The following CDH13 variants were observed in gnomAD, a reference collection of about 807,000 sequenced individuals.
CDH13 encodes cadherin-13.
Under a neutral mutation model 63.8 loss-of-function variants are expected in CDH13, and 24 were observed. That is an observed-to-expected ratio of 0.38 (90% CI 0.27 to 0.53). The LOEUF (loss-of-function observed/expected upper bound fraction) is 0.53, where lower values mean the gene tolerates loss of function less well. Among genes scored for constraint, CDH13 ranks in the 20% least tolerant of loss-of-function variants. The pLI is 0.85. For missense variants in CDH13, 1,049 were observed against 903.1 expected (o/e 1.16, Z -2.07); for synonymous variants, 503 against 355.3 (o/e 1.42, Z -4.67).
intron 5 of CDH13, among the ~76,000 whole-genome samples, chr16:83,247,362 A>G (rs1048502805): frequency 2.6e-5 from 4 of 152,160 alleles, no homozygotes; most frequent in Non-Finnish European, 2.9e-5. Flanking sequence ...AAAGAGCTGG[A>G]AATGAGAGAA....
Position 82,957,423 on chromosome 16 carries a change from C to G in CDH13, c.158-74587C>G, listed in dbSNP as rs902209298. ...CATTTTTTGCTAACTAAACAAATTTCCAAGTCAACAATGTCAGATATTGGA... is the reference window on the plus strand; with the variant it reads ...CATTTTTTGCTAACTAAACAAATTTGCAAGTCAACAATGTCAGATATTGGA... On this transcript the variant is annotated intron_variant, in intron 2 of 13. Transcript: ENST00000567109. Among the ~76,000 whole-genome samples the G allele has an allele frequency of 5.3e-5, 8 of 152,132 alleles. 1 individual carries two copies. Among genetic ancestry groups the G allele is most frequent in the Admixed American group, 5.2e-4 (8 of 15,284 alleles).
At chr16:83,305,285 G>A (rs2089848554) in intron 5 of CDH13, among the ~76,000 whole-genome samples, 2 of 152,198 alleles carry the variant, frequency 1.3e-5, no homozygotes, top group African/African-American at 4.8e-5. Context: ...AGAAGCAGGG[G>A]AGTGAGGAAA....
intron 2 of CDH13, among the ~76,000 whole-genome samples, chr16:82,972,539 C>G (rs1908913823): frequency 6.6e-6 from 1 of 152,178 alleles, no homozygotes; most frequent in African/African-American, 2.4e-5. Flanking sequence ...CTGTGAGTAC[C>G]TCACTTCCCT....
chr16:83,023,740 G>C (rs1326212941), intron 2 of CDH13, among the ~76,000 whole-genome samples: 1 of 152,138 alleles, frequency 6.6e-6, no homozygotes, highest in Non-Finnish European at 1.5e-5. Flanking sequence ...CACTTTGGTG[G>C]CATCAACAAA....
chr16:82,778,570 G>GAAAAAAA (rs11350020), intron 1 of CDH13, among the ~76,000 whole-genome samples: 4 of 85,784 alleles, frequency 4.7e-5, no homozygotes, highest in Admixed American at 1.5e-4. Flanking sequence ...ATCACGACCA[G>GAAAAAAA]AAAAAAAAAA....
chr16:83,164,393 C>T (rs2037574362), intron 4 of CDH13, among the ~76,000 whole-genome samples: 2 of 151,972 alleles, frequency 1.3e-5, no homozygotes, highest in South Asian at 2.1e-4. Flanking sequence ...AATCCACGTC[C>T]CTCTGACTCT....
intron 7 of CDH13, among the ~76,000 whole-genome samples, chr16:83,503,880 G>T (rs1446356318): frequency 6.6e-6 from 1 of 151,624 alleles, no homozygotes; most frequent in Admixed American, 6.6e-5. Flanking sequence ...TTGCTGTGCA[G>T]AAGCTCTTTA....
intron 1 of CDH13, among the ~76,000 whole-genome samples, chr16:82,650,016 G>A (rs1271380691): frequency 6.6e-6 from 1 of 152,148 alleles, no homozygotes; most frequent in African/African-American, 2.4e-5. Flanking sequence ...CATTTCCTGG[G>A]CAACAACCCA....
intron 7 of CDH13, among the ~76,000 whole-genome samples, chr16:83,585,706 T>G (rs1906089817): frequency 6.6e-6 from 1 of 151,644 alleles, no homozygotes; most frequent in Non-Finnish European, 1.5e-5. Context: ...GGAGATTGCT[T>G]AAAGAGCTGC....
intron 1 of CDH13, chr16:82,719,288 G>T (rs2032605030): frequency 8.9e-6 from 4 of 447,308 alleles, no homozygotes; most frequent in Non-Finnish European, 1.8e-5. Context: ...GTCTATCTGG[G>T]ACAGGTGGTG....
chr16:83,575,864 T>C (rs974626311), intron 7 of CDH13, among the ~76,000 whole-genome samples: 14 of 152,210 alleles, frequency 9.2e-5, no homozygotes, highest in Admixed American at 1.3e-4. Context: ...TCCAGGACTA[T>C]TTCACTCACC....
intron 5 of CDH13, 26 bp downstream of exon 5, chr16:83,217,523 C>T (rs1282502810): frequency 1.2e-6 from 2 of 1,602,532 alleles, no homozygotes; most frequent in Non-Finnish European, 8.5e-7. Context: ...CCATGCCCAC[C>T]CTGTGCGCAG....
chr16:82,900,488 G>C (rs1423745625), intron 2 of CDH13, among the ~76,000 whole-genome samples: 1 of 152,154 alleles, frequency 6.6e-6, no homozygotes, highest in Non-Finnish European at 1.5e-5. Flanking sequence ...CAGCTGTCTT[G>C]AAAAAGCAAG....
intron 6 of CDH13, among the ~76,000 whole-genome samples, chr16:83,428,882 T>C (rs905105400): frequency 3.3e-5 from 5 of 152,268 alleles, no homozygotes; most frequent in African/African-American, 1.2e-4. Context: ...CTTGGTTTAT[T>C]TGTTAAAATA....
intron 13 of CDH13, among the ~76,000 whole-genome samples, chr16:83,785,681 A>G (rs1915833502): frequency 6.6e-6 from 1 of 152,152 alleles, no homozygotes; most frequent in South Asian, 2.1e-4. Context: ...ACTCTTGCAT[A>G]GTATCAGCTG....
intron 7 of CDH13, among the ~76,000 whole-genome samples, chr16:83,545,049 A>G (rs1010241552): frequency 1.1e-4 from 17 of 152,364 alleles, no homozygotes; most frequent in African/African-American, 4.1e-4. Flanking sequence ...TGAAGCTTTT[A>G]TTCTGTTCAT....
Position 82,726,163 on chromosome 16 carries a change from C to T in CDH13, c.45+99026C>T, listed in dbSNP as rs573490867. 3.9e-5 allele frequency among the ~76,000 whole-genome samples: 6 copies of T among 152,236 alleles called. 1 individual carries two copies. In the South Asian group the frequency reaches 1.2e-3, roughly 32 times the overall value. On this transcript the variant is annotated intron_variant, in intron 1 of 13. Transcript: ENST00000567109. Reference sequence around the variant, plus strand: ...TGTGTGTGTGCTGTGTGCATGTGCGCACGGTAGGTTATACAGCACCAAGGG... The same window carrying T: ...TGTGTGTGTGCTGTGTGCATGTGCGTACGGTAGGTTATACAGCACCAAGGG...
intron 3 of CDH13, among the ~76,000 whole-genome samples, chr16:83,114,398 G>C (rs1321512183): frequency 6.6e-6 from 1 of 152,208 alleles, no homozygotes; most frequent in South Asian, 2.1e-4. Flanking sequence ...TCTCCCGTAT[G>C]GGGGTGCTTG....
In CDH13 at chr16:83,326,425, C is replaced by CT. The variant is rs1241180598; in HGVS notation, c.637-18420dup. On this transcript the variant is annotated intron_variant, in intron 5 of 13. Transcript: ENST00000567109. Reference sequence around the variant, plus strand: ...ACTACCATGGACACCACACTTGGTGCTTTTTTTTTTTTTTTTTAACTTTTG... The same window carrying CT: ...ACTACCATGGACACCACACTTGGTGCTTTTTTTTTTTTTTTTTTAACTTTTG... 6.3e-3 allele frequency among the ~76,000 whole-genome samples: 792 copies of CT among 126,632 alleles called. 4 individuals carry two copies. Among genetic ancestry groups the CT allele is most frequent in the Middle Eastern group, 0.018 (4 of 222 alleles). The allele number at this position is 126,632 out of a possible 152,430, so 83.1% of individuals were successfully genotyped here.
Sources: gnomAD v4.1 joint callset for allele counts (sites outside exome capture counted in the v4.1 genomes callset) on GRCh38, gnomAD v4.1.1 for gene constraint, MANE v1.5 for transcripts, NCBI Gene and HGNC (gene_info 2026-07-23, HGNC 2026-07-21) for gene names.